The following GALNT18 variants were observed in gnomAD, a reference collection of about 807,000 sequenced individuals.
GALNT18 encodes GalNAc-transferase 18.
Under a neutral mutation model 69.5 loss-of-function variants are expected in GALNT18, and 44 were observed. The ratio of observed to expected loss-of-function variants is 0.63; its 90% CI spans 0.50 to 0.81. GALNT18 has a LOEUF of 0.81. Ranked by LOEUF, GALNT18 falls within the 40% of genes least tolerant of loss-of-function variation. GALNT18 has a pLI of 0.00. For synonymous variants in GALNT18, 364 were observed against 318.2 expected (o/e 1.14, Z -1.53); for missense variants, 715 against 810.0 (o/e 0.88, Z 1.42).
intron 3 of GALNT18, among the ~76,000 whole-genome samples, chr11:11,409,306 C>T (rs905685131): frequency 2.6e-5 from 4 of 152,084 alleles, no homozygotes; most frequent in Non-Finnish European, 5.9e-5. Context: ...GTTCCTAGTG[C>T]GTGAACTCCC....
chr11:11,332,572 C>T lies in GALNT18; in HGVS notation c.1416+122G>A, dbSNP rs2133049125. 9.7e-6 allele frequency: 11 copies of T among 1,136,452 alleles called. No individual in the cohort carries two copies. The South Asian group carries it at 1.6e-4, about 17-fold the overall frequency. The allele number at this position is 1,136,452 out of a possible 1,614,324, so 70.4% of individuals were successfully genotyped here. A position where few individuals can be genotyped will look rare whatever the true frequency, so the allele number is the denominator to read the frequency against. ...GCAGGTGCAGAACCCAGCGCCCGGT[C>T]CCCAGGCCTACTGCAGTTCTTCATG... is the stretch of plus-strand genomic sequence containing the variant. On this transcript the variant is annotated intron_variant, in intron 8 of 10. Coordinates refer to ENST00000227756, the MANE Select transcript of GALNT18 (RefSeq NM_198516.3). The surrounding 1 kb of genome is among the most constrained non-coding windows in gnomAD (Gnocchi z 4.3).
At chr11:11,278,919 A>G (rs1589999863) in intron 10 of GALNT18, among the ~76,000 whole-genome samples, 1 of 152,240 alleles carries the variant, frequency 6.6e-6, no homozygotes, top group Non-Finnish European at 1.5e-5. Context: ...TTCTGATTTG[A>G]TCATTACACA....
chr11:11,489,688 G>T (rs1221573471), intron 1 of GALNT18, among the ~76,000 whole-genome samples: 1 of 152,190 alleles, frequency 6.6e-6, no homozygotes, highest in African/African-American at 2.4e-5. Context: ...AGATGATGAT[G>T]ATATTAATAA....
intron 10 of GALNT18, among the ~76,000 whole-genome samples, chr11:11,291,866 T>C (rs1288690157): frequency 1.3e-5 from 2 of 152,220 alleles, no homozygotes; most frequent in African/African-American, 4.8e-5. Context: ...AGTGCTCTAA[T>C]TCTGCACACC....
intron 1 of GALNT18, among the ~76,000 whole-genome samples, chr11:11,520,503 C>T (rs1304308710): frequency 5.3e-5 from 8 of 152,198 alleles, no homozygotes; most frequent in Non-Finnish European, 1.0e-4. Context: ...TGCCACTCAC[C>T]GAGCAGACCT....
At position 11,583,660 on chromosome 11, in the gene GALNT18, A is replaced by G. The variant is rs557747188; in HGVS notation, c.235+37699T>C. Among the ~76,000 whole-genome samples the G allele has an allele frequency of 7.2e-4, 109 of 152,334 alleles. 1 individual carries two copies. The highest frequency in any genetic ancestry group is 4.8e-3 in the South Asian group (23 of 4,826). ...TGAGACGCCACTTCTTCAAATGCCG[A>G]CATTTTGAAGAACACACACCAAGAT... On this transcript the variant is annotated intron_variant, in intron 1 of 10. Transcript: ENST00000227756. The surrounding 1 kb of genome is among the most constrained non-coding windows in gnomAD (Gnocchi z 4.7).
intron 9 of GALNT18, among the ~76,000 whole-genome samples, chr11:11,295,814 C>A (rs1036438806): frequency 6.6e-6 from 1 of 152,054 alleles, no homozygotes; most frequent in South Asian, 2.1e-4. Context: ...TTCACTGTGA[C>A]CAAAGTTCTG....
At chr11:11,317,124 G>GTTATGC (rs147692917) in intron 9 of GALNT18, among the ~76,000 whole-genome samples, 2 of 151,648 alleles carry the variant, frequency 1.3e-5, no homozygotes, top group East Asian at 3.9e-4. Context: ...AAACAAAATG[G>GTTATGC]TTATGTTTAT....
chr11:11,384,018 A>T (rs1853989833), intron 3 of GALNT18, among the ~76,000 whole-genome samples: 1 of 152,134 alleles, frequency 6.6e-6, no homozygotes, highest in African/African-American at 2.4e-5. Flanking sequence ...GCAGTGCGAG[A>T]ATAGACTAAT....
At chr11:11,486,908 A>C (rs376108092) in intron 1 of GALNT18, among the ~76,000 whole-genome samples, 1 of 152,326 alleles carries the variant, frequency 6.6e-6, no homozygotes, top group East Asian at 1.9e-4. Context: ...GAAGGAATAA[A>C]TGTTCCTGCC....
At chr11:11,395,396 G>C (rs1854303649) in intron 3 of GALNT18, among the ~76,000 whole-genome samples, 1 of 152,170 alleles carries the variant, frequency 6.6e-6, no homozygotes, top group Non-Finnish European at 1.5e-5. Context: ...TGCTTCGTCT[G>C]CATCAGCTCA....
chr11:11,612,760 T>G (rs1048278656), intron 1 of GALNT18, among the ~76,000 whole-genome samples: 2 of 152,226 alleles, frequency 1.3e-5, no homozygotes, highest in African/African-American at 4.8e-5. Context: ...AATGAACCTA[T>G]TCACGCTAAA....
chr11:11,484,593 CAAAAAAAA>C (rs1159968814), intron 1 of GALNT18, among the ~76,000 whole-genome samples: 6 of 83,066 alleles, frequency 7.2e-5, no homozygotes, highest in Non-Finnish European at 1.1e-4. Flanking sequence ...AACTCCATCT[CAAAAAAAA>C]AAAAAAAAAA....
intron 1 of GALNT18, among the ~76,000 whole-genome samples, chr11:11,468,226 C>T (rs566331530): frequency 3.2e-4 from 49 of 152,346 alleles, no homozygotes; most frequent in Admixed American, 2.6e-4. Context: ...CTTATGACTG[C>T]AAGGTCTGTT....
At chr11:11,547,106 A>T (rs2133963811) in intron 1 of GALNT18, among the ~76,000 whole-genome samples, 1 of 152,332 alleles carries the variant, frequency 6.6e-6, no homozygotes, top group East Asian at 1.9e-4. Context: ...TAAATGAGAA[A>T]CGTACAGAAA....
intron 1 of GALNT18, among the ~76,000 whole-genome samples, chr11:11,513,053 A>C (rs1441056536): frequency 6.6e-6 from 1 of 152,222 alleles, no homozygotes; most frequent in African/African-American, 2.4e-5. Context: ...CCAGAACAAC[A>C]GGCACCCCTC....
chr11:11,300,928 G>A (rs972451807), intron 9 of GALNT18, among the ~76,000 whole-genome samples: 1 of 152,214 alleles, frequency 6.6e-6, no homozygotes, highest in Admixed American at 6.5e-5. Context: ...AAGCCTAGGA[G>A]TGAAATGTTG....
chr11:11,585,932 G>A (rs898128634), intron 1 of GALNT18, among the ~76,000 whole-genome samples: 27 of 151,908 alleles, frequency 1.8e-4, no homozygotes, highest in African/African-American at 6.3e-4. Flanking sequence ...CCTTCGGGAG[G>A]TGATTTGGTC....
chr11:11,445,041 A>G (rs548385114), intron 2 of GALNT18, among the ~76,000 whole-genome samples: 1 of 152,338 alleles, frequency 6.6e-6, no homozygotes, highest in Admixed American at 6.5e-5. Context: ...CATGTGCACT[A>G]AAACAGTTTT....
Sources: allele counts gnomAD v4.1 joint callset (sites outside exome capture counted in the v4.1 genomes callset), GRCh38; gene constraint gnomAD v4.1.1; non-coding constraint Gnocchi (gnomAD v3.1); transcripts MANE v1.5; gene names NCBI Gene and HGNC (gene_info 2026-07-23, HGNC 2026-07-21).